SUCLG2: variants seen among roughly 807,000 people sequenced by gnomAD.
The protein encoded by SUCLG2 is succinate--CoA ligase [GDP-forming] subunit beta, mitochondrial.
In SUCLG2, 42 loss-of-function variants were observed where a neutral mutation model predicts 47.9. That is an observed-to-expected ratio of 0.88 (90% CI 0.69 to 1.14). The LOEUF is 1.14. Ranked by LOEUF, SUCLG2 falls within the 50% of genes most tolerant of loss-of-function variation. The pLI, the probability that SUCLG2 is intolerant of heterozygous loss-of-function variation, is 0.00. For synonymous variants in SUCLG2, 195 were observed against 197.3 expected, an observed-to-expected ratio of 0.99 and a Z score of 0.10; for missense variants, 571 against 525.9, an observed-to-expected ratio of 1.09 and a Z score of -0.84.
At chr3:67,617,688 A>T (rs1043040217) in intron 1 of SUCLG2, among the ~76,000 whole-genome samples, 8 of 152,202 alleles carry the variant, frequency 5.3e-5, no homozygotes, top group Non-Finnish European at 1.2e-4. Context: ...TACCTACCCT[A>T]TGGATGGCAG....
At chr3:67,474,738 T>C (rs1173357475) in intron 9 of SUCLG2, among the ~76,000 whole-genome samples, 1 of 152,198 alleles carries the variant, frequency 6.6e-6, no homozygotes, top group African/African-American at 2.4e-5. Flanking sequence ...TTATTTGCAG[T>C]TTTAAAAAAT....
intron 2 of SUCLG2, among the ~76,000 whole-genome samples, chr3:67,592,926 T>C (rs764899822): frequency 2.6e-5 from 4 of 152,120 alleles, no homozygotes; most frequent in Admixed American, 1.3e-4. Flanking sequence ...GAAAATACAC[T>C]CATTTCCCAA....
At chr3:67,512,695 C>G (rs1049132569) in intron 6 of SUCLG2, among the ~76,000 whole-genome samples, 4 of 151,036 alleles carry the variant, frequency 2.6e-5, no homozygotes, top group Non-Finnish European at 4.4e-5. Flanking sequence ...TCTGCAGGGT[C>G]AAGTTGGTAC....
chr3:67,539,897 G>A (rs936421230), intron 2 of SUCLG2, among the ~76,000 whole-genome samples: 1 of 152,024 alleles, frequency 6.6e-6, no homozygotes, highest in African/African-American at 2.4e-5. Context: ...TGTGGGATCA[G>A]TGGTGATATC....
intron 2 of SUCLG2, among the ~76,000 whole-genome samples, chr3:67,577,281 C>G (rs944572413): frequency 6.7e-6 from 1 of 150,350 alleles, no homozygotes; most frequent in Non-Finnish European, 1.5e-5. Context: ...GCACTTCAGC[C>G]TTGGTGACAG....
chr3:67,504,545 C>A (rs985757681), intron 7 of SUCLG2, among the ~76,000 whole-genome samples: 1 of 152,160 alleles, frequency 6.6e-6, no homozygotes, highest in Non-Finnish European at 1.5e-5. Context: ...GATGAAGATG[C>A]CCCAAAGCAA....
At chr3:67,561,861 C>T (rs2634743) in intron 2 of SUCLG2, among the ~76,000 whole-genome samples, 35,574 of 152,120 alleles carry the variant, frequency 0.23, 6,219 homozygotes, top group East Asian at 0.49. Context: ...CACACACTTA[C>T]ATGCAGAGTT....
chr3:67,601,526 C>A (rs1708417895), intron 2 of SUCLG2, among the ~76,000 whole-genome samples: 1 of 152,198 alleles, frequency 6.6e-6, no homozygotes, highest in African/African-American at 2.4e-5. Context: ...GCATTTATAG[C>A]CCATAAAGTA....
At chr3:67,362,682 T>C (rs530391853) in intron 10 of SUCLG2, among the ~76,000 whole-genome samples, 3 of 152,290 alleles carry the variant, frequency 2.0e-5, no homozygotes, top group Admixed American at 1.3e-4. Context: ...CCAATTTTTA[T>C]TGAATGAAGA....
intron 9 of SUCLG2, among the ~76,000 whole-genome samples, chr3:67,464,934 T>A (rs1287150022): frequency 6.6e-6 from 1 of 152,130 alleles, no homozygotes; most frequent in Non-Finnish European, 1.5e-5. Context: ...GGTTATATGA[T>A]GAGTGAGAGC....
chr3:67,498,308 G>A lies in SUCLG2; in HGVS notation c.758-13C>T. 1 of 1,548,268 alleles carries A rather than the reference G, an allele frequency of 6.5e-7. No homozygotes were observed. Among genetic ancestry groups the A allele is most frequent in the Non-Finnish European group, 8.8e-7 (1 of 1,140,242 alleles). On this transcript the variant is annotated splice_polypyrimidine_tract_variant and intron_variant, in intron 7 of 10. Transcript: ENST00000307227. ...TCAAAACAGACAACTAAATAAAGAAGAAAACAATCATACTTGAATATCTCT... is the reference window on the plus strand; with the variant it reads ...TCAAAACAGACAACTAAATAAAGAAAAAAACAATCATACTTGAATATCTCT...
chr3:67,431,144 A>G (rs1328700342), intron 9 of SUCLG2, among the ~76,000 whole-genome samples: 1 of 151,518 alleles, frequency 6.6e-6, no homozygotes, highest in African/African-American at 2.4e-5. Flanking sequence ...CAGAGACACA[A>G]CAAAAAAAAA....
chr3:67,405,621 T>C (rs1050901806), intron 9 of SUCLG2, among the ~76,000 whole-genome samples: 1 of 152,234 alleles, frequency 6.6e-6, no homozygotes, highest in East Asian at 1.9e-4. Flanking sequence ...GCATTCAGGA[T>C]AGGGCTATGA....
intron 9 of SUCLG2, among the ~76,000 whole-genome samples, chr3:67,444,081 G>T (rs1467162439): frequency 9.2e-6 from 1 of 109,002 alleles, no homozygotes; most frequent in African/African-American, 3.2e-5. Context: ...CCCCCCGCCT[G>T]GCCAGCCGCG....
chr3:67,387,285 A>C (rs1467333323), intron 10 of SUCLG2, among the ~76,000 whole-genome samples: 1 of 152,204 alleles, frequency 6.6e-6, no homozygotes, highest in East Asian at 1.9e-4. Context: ...TGAGTGCATC[A>C]GTATTGGTGT....
rs149344605 is a variant in SUCLG2, at chr3:67,515,093, C to T, written c.660+3154G>A. 4.3e-3 allele frequency among the ~76,000 whole-genome samples: 661 copies of T among 152,292 alleles called. 7 individuals carry two copies. The East Asian group carries it at 0.052, about 12-fold the overall frequency. On this transcript the variant is annotated intron_variant, in intron 6 of 10. Coordinates refer to ENST00000307227, the MANE Select transcript of SUCLG2 (RefSeq NM_003848.4). ...TAGACATTGCATCATCTCACATCATCGCAAGAAGGGTGAGTACAGTACAAT... is the reference window on the plus strand; with the variant it reads ...TAGACATTGCATCATCTCACATCATTGCAAGAAGGGTGAGTACAGTACAAT...
chr3:67,399,938 T>C (rs984988291), intron 10 of SUCLG2, among the ~76,000 whole-genome samples: 2 of 152,108 alleles, frequency 1.3e-5, no homozygotes, highest in Non-Finnish European at 2.9e-5. Context: ...CCCAACATTT[T>C]GGGAGGCTGA....
chr3:67,398,407 G>T (rs1489775974), intron 10 of SUCLG2, among the ~76,000 whole-genome samples: 5 of 151,384 alleles, frequency 3.3e-5, no homozygotes, highest in African/African-American at 7.3e-5. Context: ...GAAGCCAAAA[G>T]ACACATGAAA....
chr3:67,620,344 G>A (rs575746670), intron 1 of SUCLG2, among the ~76,000 whole-genome samples: 13 of 152,028 alleles, frequency 8.6e-5, no homozygotes, highest in Non-Finnish European at 1.6e-4. Context: ...CAGCACTTTC[G>A]GAAGCCAAGG....
Sources: allele counts gnomAD v4.1 joint callset (sites outside exome capture counted in the v4.1 genomes callset), GRCh38; gene constraint gnomAD v4.1.1; transcripts MANE v1.5; gene names NCBI Gene and HGNC (gene_info 2026-07-23, HGNC 2026-07-21).